Variants in OR9Q1 observed in about 807,000 individuals in gnomAD.
OR9Q1 encodes olfactory receptor family 9 subfamily Q member 1.
For synonymous variants in OR9Q1, 153 were observed against 148.6 expected (o/e 1.03, Z -0.22); for missense variants, 374 against 378.8 (o/e 0.99, Z 0.11).
chr11:58,096,784 A>G (rs1433831979), intron 2 of OR9Q1, among the ~76,000 whole-genome samples: 1 of 150,412 alleles, frequency 6.6e-6, no homozygotes, highest in Non-Finnish European at 1.5e-5. Context: ...GCTCACTACA[A>G]CCTACATCTT....
intron 2 of OR9Q1, among the ~76,000 whole-genome samples, chr11:58,143,687 C>T (rs538280744): frequency 2.0e-5 from 3 of 152,094 alleles, no homozygotes; most frequent in South Asian, 4.2e-4. Flanking sequence ...ACAACACATA[C>T]TGGGGCCTGT....
At chr11:58,082,406 C>T (rs970662122) in intron 2 of OR9Q1, among the ~76,000 whole-genome samples, 23 of 151,996 alleles carry the variant, frequency 1.5e-4, no homozygotes, top group African/African-American at 4.8e-4. Flanking sequence ...CCATGGAATA[C>T]TATGCAGCCA....
At chr11:58,082,493 A>G (rs2120044862) in intron 2 of OR9Q1, among the ~76,000 whole-genome samples, 1 of 150,156 alleles carries the variant, frequency 6.7e-6, no homozygotes, top group South Asian at 2.1e-4. Context: ...AACTATCGCA[A>G]GGACAAAAAA....
At chr11:58,103,770 T>TG in intron 2 of OR9Q1, among the ~76,000 whole-genome samples, 1 of 152,334 alleles carries the variant, frequency 6.6e-6, no homozygotes, top group East Asian at 1.9e-4. Context: ...TTACCATAGA[T>TG]GGGGCCTAGG....
intron 2 of OR9Q1, among the ~76,000 whole-genome samples, chr11:58,148,857 G>A (rs995259826): frequency 7.2e-5 from 11 of 152,158 alleles, no homozygotes; most frequent in Admixed American, 2.6e-4. Flanking sequence ...TCCCTGTAGC[G>A]GATCTGCGAA....
intron 2 of OR9Q1, among the ~76,000 whole-genome samples, chr11:58,128,881 AAAG>A (rs1854114765): frequency 6.6e-6 from 1 of 152,226 alleles, no homozygotes; most frequent in Non-Finnish European, 1.5e-5. Context: ...ATCACATAAA[AAAG>A]GCAAATCAAA....
At chr11:58,031,961 C>T in intron 1 of OR9Q1, 2 of 1,021,948 alleles carry the variant, frequency 2.0e-6, no homozygotes, top group Non-Finnish European at 2.9e-6. Flanking sequence ...ACAGGTTAGT[C>T]AATAACATTT....
intron 2 of OR9Q1, chr11:58,077,659 C>A (rs1853550210): frequency 1.3e-5 from 2 of 152,134 alleles, no homozygotes; most frequent in South Asian, 4.1e-4. Flanking sequence ...ACCCTAGTGC[C>A]AGCTATAATC....
intron 2 of OR9Q1, among the ~76,000 whole-genome samples, chr11:58,084,715 G>A (rs58389888): frequency 6.6e-6 from 1 of 151,786 alleles, no homozygotes; most frequent in African/African-American, 2.4e-5. Flanking sequence ...AATAGATGCA[G>A]AAAAAGCTTT....
intron 2 of OR9Q1, chr11:58,124,293 G>C (rs1471615616): frequency 6.6e-6 from 1 of 152,108 alleles, no homozygotes; most frequent in Non-Finnish European, 1.5e-5. Context: ...AACATTTATA[G>C]GTTGATATTA....
At chr11:58,079,249 T>C (rs564146765) in intron 2 of OR9Q1, among the ~76,000 whole-genome samples, 2 of 151,498 alleles carry the variant, frequency 1.3e-5, no homozygotes, top group South Asian at 2.1e-4. Context: ...TCTGAGTCTT[T>C]TTTTTTTTTT....
intron 1 of OR9Q1, among the ~76,000 whole-genome samples, chr11:58,050,624 T>C (rs1256996635): frequency 1.6e-5 from 2 of 123,028 alleles, no homozygotes; most frequent in African/African-American, 5.9e-5. Flanking sequence ...AAAGAGCTTC[T>C]GCACAGCAAA....
At chr11:58,081,793 CTT>C (rs201892501) in intron 2 of OR9Q1, among the ~76,000 whole-genome samples, 32,389 of 128,118 alleles carry the variant, frequency 0.25, 3,650 homozygotes, top group East Asian at 0.52. Context: ...ATGATAGTTT[CTT>C]TTTTTTTTTT....
chr11:58,080,915 C>T (rs928717651), intron 2 of OR9Q1, among the ~76,000 whole-genome samples: 9 of 152,024 alleles, frequency 5.9e-5, no homozygotes, highest in African/African-American at 1.9e-4. Flanking sequence ...TTTGCTGCAC[C>T]CATCAACTTG....
chr11:58,172,271 C>T (rs924106247), intron 2 of OR9Q1, among the ~76,000 whole-genome samples: 10 of 152,152 alleles, frequency 6.6e-5, no homozygotes, highest in African/African-American at 2.2e-4. Flanking sequence ...TTCCTGTGGT[C>T]ATCACAATTA....
intron 2 of OR9Q1, chr11:58,073,673 T>G (rs1325671254): frequency 6.6e-6 from 1 of 152,220 alleles, no homozygotes; most frequent in Non-Finnish European, 1.5e-5. Flanking sequence ...CTGGGATACA[T>G]GTGCAGAACA....
intron 2 of OR9Q1, among the ~76,000 whole-genome samples, chr11:58,097,238 G>T (rs2514209): frequency 0.13 from 20,078 of 152,092 alleles, 2,145 homozygotes; most frequent in African/African-American, 0.26. Flanking sequence ...CCATTATTCT[G>T]TCCATACACA....
chr11:58,047,816 G>A (rs898220946), intron 1 of OR9Q1, among the ~76,000 whole-genome samples: 1 of 152,074 alleles, frequency 6.6e-6, no homozygotes, highest in Non-Finnish European at 1.5e-5. Flanking sequence ...CTCAGAAGGC[G>A]GAGGTTGCGG....
chr11:58,063,702 A>G (rs1853401550), intron 2 of OR9Q1, among the ~76,000 whole-genome samples: 1 of 148,464 alleles, frequency 6.7e-6, no homozygotes. Context: ...AAGATATTTA[A>G]TTTTTGGGGG....
Sources: gnomAD v4.1 joint callset for allele counts (sites outside exome capture counted in the v4.1 genomes callset) on GRCh38, gnomAD v4.1.1 for gene constraint, MANE v1.5 for transcripts, NCBI Gene and HGNC (gene_info 2026-07-23, HGNC 2026-07-21) for gene names.